Variants in KCNN2 observed in about 807,000 individuals in gnomAD.
KCNN2 encodes potassium calcium-activated channel subfamily N member 2.
KCNN2 carries 24 observed loss-of-function variants against 55.5 expected under a neutral mutation model. The observed-to-expected ratio is 0.43, with a 90% CI of 0.31 to 0.61. KCNN2 has a LOEUF of 0.61. Among genes scored for constraint, KCNN2 ranks in the 20% least tolerant of loss-of-function variants. The pLI, the probability that KCNN2 is intolerant of heterozygous loss-of-function variation, is 0.08. For synonymous variants in KCNN2, 431 were observed against 336.1 expected (o/e 1.28, Z -3.09); for missense variants, 754 against 853.6 (o/e 0.88, Z 1.45).
At chr5:114,474,440 C>G (rs1761883108) in intron 5 of KCNN2, among the ~76,000 whole-genome samples, 1 of 152,162 alleles carries the variant, frequency 6.6e-6, no homozygotes, top group Non-Finnish European at 1.5e-5. Flanking sequence ...CTTCTACTCT[C>G]CATGACTTAC....
rs545328455 is a variant in KCNN2, at chr5:114,165,662, G to A, written c.-270-55818G>A. ...TAATTGTCCTGTGTGTTGCAATTCC[G>A]GGTTTGCAATTTGGTTAAGTTTTTT... On this transcript the variant is annotated intron_variant, in intron 1 of 10. Coordinates refer to the KCNN2 transcript ENST00000512097. Among the ~76,000 whole-genome samples the A allele has an allele frequency of 1.3e-3, 204 of 152,054 alleles. 1 individual carries two copies. The highest frequency in any genetic ancestry group is 2.2e-3 in the Non-Finnish European group (150 of 68,000).
chr5:114,425,109 T>C (rs1439332337), intron 3 of KCNN2, among the ~76,000 whole-genome samples: 1 of 152,198 alleles, frequency 6.6e-6, no homozygotes, highest in Non-Finnish European at 1.5e-5. Flanking sequence ...GCAAGCCTGG[T>C]GAAGAAATGA....
rs76899660 is a variant in KCNN2 at position 114,216,752 on chromosome 5, A to T, written c.-270-4728A>T. Among the ~76,000 whole-genome samples, 840 of 152,256 alleles carry T rather than the reference A, an allele frequency of 5.5e-3. 5 individuals carry two copies. Among genetic ancestry groups the T allele is most frequent in the African/African-American group, 0.019 (798 of 41,572 alleles). On this transcript the variant is annotated intron_variant, in intron 1 of 10. Coordinates refer to the KCNN2 transcript ENST00000512097. ...TCTCACCACTTCTTTTCATTGTTGCACTGGATGTTCTAGCTAATGCAATAA... is the reference window on the plus strand; with the variant it reads ...TCTCACCACTTCTTTTCATTGTTGCTCTGGATGTTCTAGCTAATGCAATAA...
intron 1 of KCNN2, among the ~76,000 whole-genome samples, chr5:114,133,440 T>G (rs1484984005): frequency 6.6e-6 from 1 of 152,216 alleles, no homozygotes; most frequent in Non-Finnish European, 1.5e-5. Flanking sequence ...TGATGTTCCT[T>G]GTAATTACTT....
At chr5:114,259,699 G>T (rs570890068) in intron 2 of KCNN2, among the ~76,000 whole-genome samples, 22 of 152,158 alleles carry the variant, frequency 1.4e-4, no homozygotes, top group Non-Finnish European at 2.8e-4. Flanking sequence ...GTGGTCTGCT[G>T]TAGGGGTGAG....
At chr5:114,135,763 A>G (rs184156095) in intron 1 of KCNN2, among the ~76,000 whole-genome samples, 91 of 152,348 alleles carry the variant, frequency 6.0e-4, no homozygotes, top group African/African-American at 1.7e-3. Flanking sequence ...GTGAAAGTGA[A>G]CACTTTGAAA....
chr5:114,382,034 A>G (rs1758139928), intron 2 of KCNN2, among the ~76,000 whole-genome samples: 1 of 152,218 alleles, frequency 6.6e-6, no homozygotes, highest in East Asian at 1.9e-4. Flanking sequence ...TTGCATGAAA[A>G]TGACAGATTG....
intron 2 of KCNN2, among the ~76,000 whole-genome samples, chr5:114,262,576 A>G (rs1488311300): frequency 6.6e-6 from 1 of 152,192 alleles, no homozygotes; most frequent in Non-Finnish European, 1.5e-5. Flanking sequence ...CTGTGCGGCA[A>G]TTGCCCTCCC....
chr5:114,496,366 C>G lies in KCNN2; in HGVS notation c.*184C>G, dbSNP rs765400494. The G allele has an allele frequency of 8.2e-6, 5 of 606,590 alleles. No homozygotes were observed. Among genetic ancestry groups the G allele is most frequent in the Non-Finnish European group, 1.4e-5 (5 of 351,960 alleles). The allele number at this position is 606,590 out of a possible 1,614,324, so 37.6% of individuals were successfully genotyped here. ...AAACTCTTTTTTTTTCTTTCAGATG[C>G]ACAGGGAATGCACCTATTATTGCTA... On this transcript the variant is annotated 3_prime_UTR_variant, in exon 8 of 8. Transcript: ENST00000673685.
intron 2 of KCNN2, among the ~76,000 whole-genome samples, chr5:114,291,851 T>G (rs935949624): frequency 4.6e-5 from 7 of 152,200 alleles, no homozygotes; most frequent in Non-Finnish European, 8.8e-5. Context: ...CTCCAGCACC[T>G]ATTGTTTCCT....
Position 114,496,281 on chromosome 5 carries a change from C to T in KCNN2, c.*99C>T, listed in dbSNP as rs764469655. ...CCCTATGGTTCTAATCAGCGTTATC[C>T]GGGTTCTGATGTCAGAATCCTGGGA... On this transcript the variant is annotated 3_prime_UTR_variant, in exon 8 of 8. Transcript: ENST00000673685. The T allele has an allele frequency of 3.4e-5, 44 of 1,306,912 alleles. No individual in the cohort carries two copies. The highest frequency in any genetic ancestry group is 1.9e-4 in the East Asian group (8 of 41,328). The allele number at this position is 1,306,912 out of a possible 1,614,324, so 81.0% of individuals were successfully genotyped here. A position where few individuals can be genotyped will look rare whatever the true frequency, so the allele number is the denominator to read the frequency against.
chr5:114,495,582 AAAATACATATATAAATATTCAATTG>A (rs1170747003), intron 7 of KCNN2, among the ~76,000 whole-genome samples: 1 of 152,218 alleles, frequency 6.6e-6, no homozygotes, highest in Non-Finnish European at 1.5e-5. Flanking sequence ...GACAACCTTT[AAAATACATATATAAATATTCAATTG>A]AAATGTTTTT....
chr5:114,405,391 G>C (rs1413368579), intron 3 of KCNN2, among the ~76,000 whole-genome samples: 2 of 152,190 alleles, frequency 1.3e-5, no homozygotes, highest in Non-Finnish European at 2.9e-5. Context: ...CAATTAGTAA[G>C]AACAGGCAAT....
intron 1 of KCNN2, among the ~76,000 whole-genome samples, chr5:114,110,861 G>A (rs528453855): frequency 6.6e-6 from 1 of 152,082 alleles, no homozygotes; most frequent in Admixed American, 6.6e-5. Flanking sequence ...TGATGGTTGA[G>A]AAGCTACTGT....
intron 1 of KCNN2, among the ~76,000 whole-genome samples, chr5:114,158,700 C>G (rs2112527311): frequency 6.6e-6 from 1 of 151,002 alleles, no homozygotes; most frequent in South Asian, 2.1e-4. Context: ...TTGTATTTCT[C>G]CTTGAAGAGG....
rs1757528617 is a variant in KCNN2, at chr5:114,363,961, T to C, written c.1178T>C (p.Leu393Pro). 1 of 1,613,988 alleles carries C rather than the reference T, an allele frequency of 6.2e-7. No individual in the cohort carries two copies. The highest frequency in any genetic ancestry group is 1.7e-5 in the Admixed American group (1 of 60,008). The change falls in exon 2 of 8, where the codon CTG becomes CCG. Residue 393 changes from leucine to proline, a missense_variant. Around this residue, in one of 4 missense-constraint regions of KCNN2, gnomAD observed 123 missense variants for 204.9 expected, o/e 0.60. Transcript: ENST00000673685. ...KCLISLSTII[L>P]LGLIIVYHAR... Reference sequence around the variant, plus strand: ...CTTATCAGTCTCTCCACGATCATCCTGCTCGGTCTGATCATCGTGTACCAC... The same window carrying C: ...CTTATCAGTCTCTCCACGATCATCCCGCTCGGTCTGATCATCGTGTACCAC...
At chr5:114,236,120 T>C (rs1754486276) in intron 2 of KCNN2, among the ~76,000 whole-genome samples, 2 of 152,202 alleles carry the variant, frequency 1.3e-5, no homozygotes, top group South Asian at 4.1e-4. Context: ...TATACTTTTC[T>C]CCTCTTTAGG....
chr5:114,470,083 T>C (rs1761650758), intron 4 of KCNN2, among the ~76,000 whole-genome samples: 1 of 152,200 alleles, frequency 6.6e-6, no homozygotes, highest in Non-Finnish European at 1.5e-5. Flanking sequence ...TTTTAATGCA[T>C]GTCTTAGATG....
intron 5 of KCNN2, among the ~76,000 whole-genome samples, chr5:114,482,928 G>C (rs1246374353): frequency 6.6e-6 from 1 of 151,968 alleles, no homozygotes; most frequent in African/African-American, 2.4e-5. Context: ...GCTAATGGAC[G>C]CTGGGTTTAA....
Sources: allele counts gnomAD v4.1 joint callset (sites outside exome capture counted in the v4.1 genomes callset), GRCh38; gene constraint gnomAD v4.1.1; regional missense constraint gnomAD v4.1.1; transcripts MANE v1.5; gene names NCBI Gene and HGNC (gene_info 2026-07-23, HGNC 2026-07-21).